Variants in RBFOX1 observed in about 807,000 individuals in gnomAD.
RBFOX1 encodes the protein RNA binding protein fox-1 homolog 1.
RBFOX1 carries 8 observed loss-of-function variants against 57.7 expected under a neutral mutation model. That is an observed-to-expected ratio of 0.14 (90% CI 0.08 to 0.25). The LOEUF is 0.25. RBFOX1 is among the 10% of genes least tolerant of loss of function. RBFOX1 has a pLI of 1.00. For missense variants in RBFOX1, 611 were observed against 548.5 expected (o/e 1.11, Z -1.14); for synonymous variants, 326 against 222.4 (o/e 1.47, Z -4.15).
chr16:5,997,596 T>A (rs1376049775), intron 4 of RBFOX1, among the ~76,000 whole-genome samples: 2 of 152,212 alleles, frequency 1.3e-5, no homozygotes, highest in Non-Finnish European at 2.9e-5. Context: ...GATTAGGCAC[T>A]CACATTGTGC....
chr16:5,891,099 G>A (rs562872096), intron 4 of RBFOX1, among the ~76,000 whole-genome samples: 5 of 152,310 alleles, frequency 3.3e-5, no homozygotes, highest in Admixed American at 6.5e-5. Context: ...GTAACTGTTA[G>A]TAGGCAGATA....
chr16:6,817,114 T>C (rs1270277259), intron 3 of RBFOX1, among the ~76,000 whole-genome samples: 1 of 152,180 alleles, frequency 6.6e-6, no homozygotes, highest in Non-Finnish European at 1.5e-5. Context: ...GATACAGAAC[T>C]GATGTATTAA....
At chr16:6,898,951 AATAC>A (rs1180498722) in intron 3 of RBFOX1, among the ~76,000 whole-genome samples, 9 of 151,438 alleles carry the variant, frequency 5.9e-5, no homozygotes, top group East Asian at 1.9e-4. Context: ...ATATGTGTAT[AATAC>A]ATTGTGTATG....
intron 3 of RBFOX1, among the ~76,000 whole-genome samples, chr16:6,821,722 A>G (rs750793349): frequency 2.6e-5 from 4 of 152,148 alleles, no homozygotes; most frequent in Non-Finnish European, 5.9e-5. Context: ...TGCTTCATCA[A>G]TTTTTATGGC....
At chr16:5,480,768 C>T (rs184501636) in intron 2 of RBFOX1, among the ~76,000 whole-genome samples, 2 of 152,334 alleles carry the variant, frequency 1.3e-5, no homozygotes, top group Admixed American at 6.5e-5. Flanking sequence ...TCAGCAGAAA[C>T]AGTTCTGTGC....
chr16:6,790,571 A>G (rs1160905454), intron 3 of RBFOX1, among the ~76,000 whole-genome samples: 2 of 152,050 alleles, frequency 1.3e-5, no homozygotes, highest in South Asian at 2.1e-4. Context: ...CCCCCAAACC[A>G]TTGTTTTCCC....
chr16:5,259,977 G>C (rs2062692998), intron 1 of RBFOX1, among the ~76,000 whole-genome samples: 1 of 152,188 alleles, frequency 6.6e-6, no homozygotes, highest in African/African-American at 2.4e-5. Flanking sequence ...GAGGTGGTCA[G>C]ATCACTTGAG....
chr16:6,960,869 C>G (rs1308484431), intron 3 of RBFOX1, among the ~76,000 whole-genome samples: 2 of 151,156 alleles, frequency 1.3e-5, no homozygotes, highest in Non-Finnish European at 2.9e-5. Context: ...TGCAGTGGCT[C>G]ACATCTGTAA....
intron 3 of RBFOX1, among the ~76,000 whole-genome samples, chr16:6,900,789 G>A (rs1335868956): frequency 2.0e-5 from 3 of 152,112 alleles, no homozygotes; most frequent in African/African-American, 4.8e-5. Flanking sequence ...TTCCTTCACA[G>A]CACACAATGC....
intron 3 of RBFOX1, among the ~76,000 whole-genome samples, chr16:5,794,670 C>G (rs912270265): frequency 2.0e-5 from 3 of 152,114 alleles, no homozygotes; most frequent in African/African-American, 7.2e-5. Context: ...GGCGGCCCAG[C>G]AGGAGGGGAG....
At chr16:5,939,928 T>G (rs543676043) in intron 4 of RBFOX1, among the ~76,000 whole-genome samples, 31 of 152,328 alleles carry the variant, frequency 2.0e-4, no homozygotes, top group Admixed American at 1.1e-3. Context: ...GGTAGAATCT[T>G]GACTCTAGAG....
chr16:5,716,002 A>G (rs1488699167), intron 3 of RBFOX1, among the ~76,000 whole-genome samples: 1 of 152,218 alleles, frequency 6.6e-6, no homozygotes, highest in Non-Finnish European at 1.5e-5. Context: ...CCTATTTCAA[A>G]AAAACTCATG....
chr16:7,497,410 A>G (rs949852987), intron 4 of RBFOX1, among the ~76,000 whole-genome samples: 3 of 152,110 alleles, frequency 2.0e-5, no homozygotes, highest in Admixed American at 1.3e-4. Context: ...AGCATTTGAT[A>G]CCTCCTGTCT....
chr16:5,963,781 T>G (rs932195890), intron 4 of RBFOX1, among the ~76,000 whole-genome samples: 1 of 152,152 alleles, frequency 6.6e-6, no homozygotes, highest in African/African-American at 2.4e-5. Context: ...ATGCTTAAAC[T>G]TAAGACCTAA....
intron 2 of RBFOX1, among the ~76,000 whole-genome samples, chr16:6,365,061 C>G (rs1337738112): frequency 6.6e-6 from 1 of 151,274 alleles, no homozygotes; most frequent in African/African-American, 2.4e-5. Context: ...GCACAGTCAT[C>G]AAAACTGATG....
intron 4 of RBFOX1, among the ~76,000 whole-genome samples, chr16:7,172,373 T>G (rs1438878376): frequency 6.6e-6 from 1 of 152,146 alleles, no homozygotes; most frequent in Non-Finnish European, 1.5e-5. Context: ...TAAAAGTAAA[T>G]CTTCCCACTA....
intron 2 of RBFOX1, among the ~76,000 whole-genome samples, chr16:6,652,209 G>A (rs183002640): frequency 1.3e-5 from 2 of 152,294 alleles, no homozygotes; most frequent in African/African-American, 4.8e-5. Flanking sequence ...CCAGCACTTT[G>A]GGAGGGCGAG....
In RBFOX1 at chr16:6,868,201, G is replaced by T. The variant is rs575812618; in HGVS notation, c.-15-183856G>T. ...AAGTCTTTCAGTGCTACATGTTACA[G>T]CCTCCAAGTCATTTAATTTATAGAA... On this transcript the variant is annotated intron_variant, in intron 3 of 15. Transcript: ENST00000550418. Among the ~76,000 whole-genome samples, 301 of 152,122 alleles carry T rather than the reference G, an allele frequency of 2.0e-3. 1 individual carries two copies. The highest frequency in any genetic ancestry group is 7.1e-3 in the African/African-American group (293 of 41,498).
chr16:7,255,006 G>A (rs2094620969), intron 4 of RBFOX1, among the ~76,000 whole-genome samples: 1 of 152,064 alleles, frequency 6.6e-6, no homozygotes, highest in Admixed American at 6.6e-5. Flanking sequence ...ATTTGCTGTT[G>A]TGTCCTGAGT....
Sources: allele counts gnomAD v4.1 joint callset (sites outside exome capture counted in the v4.1 genomes callset), GRCh38; gene constraint gnomAD v4.1.1; transcripts MANE v1.5; gene names NCBI Gene and HGNC (gene_info 2026-07-23, HGNC 2026-07-21).